Variants in GSTCD observed in about 807,000 individuals in gnomAD.
GSTCD encodes the protein glutathione S-transferase C-terminal domain-containing protein.
A neutral mutation model predicts 68.3 loss-of-function variants in GSTCD; 44 were observed. That is an observed-to-expected ratio of 0.64 (90% confidence interval 0.51 to 0.83). GSTCD has a LOEUF of 0.83. GSTCD is among the 40% of genes least tolerant of loss of function. The pLI is 0.00. For synonymous variants in GSTCD, 273 were observed against 255.2 expected (o/e 1.07, Z -0.67); for missense variants, 739 against 735.9 (o/e 1.00, Z -0.05).
intron 1 of GSTCD, among the ~76,000 whole-genome samples, chr4:105,714,658 T>C (rs1342512700): frequency 6.6e-6 from 1 of 151,636 alleles, no homozygotes; most frequent in Non-Finnish European, 1.5e-5. Flanking sequence ...TATTCTAAGA[T>C]CATTAAGTAA....
intron 5 of GSTCD, among the ~76,000 whole-genome samples, chr4:105,757,949 T>A (rs992657880): frequency 7.9e-5 from 12 of 152,198 alleles, no homozygotes; most frequent in Non-Finnish European, 1.2e-4. Context: ...ACTAGGCCTT[T>A]AGACATGTTC....
At chr4:105,785,339 C>A (rs572814375) in intron 5 of GSTCD, among the ~76,000 whole-genome samples, 7 of 152,040 alleles carry the variant, frequency 4.6e-5, no homozygotes, top group African/African-American at 1.7e-4. Flanking sequence ...TTAACCAAAT[C>A]CAGCAACAGA....
chr4:105,730,519 CTT>C (rs1245987361), intron 5 of GSTCD, among the ~76,000 whole-genome samples: 1 of 152,102 alleles, frequency 6.6e-6, no homozygotes, highest in Non-Finnish European at 1.5e-5. Context: ...TTTCATGTGT[CTT>C]TGGCTGCATA....
chr4:105,729,355 A>G, intron 4 of GSTCD, 51 bp from the exon 5 acceptor site: 2 of 1,144,678 alleles, frequency 1.7e-6, no homozygotes, highest in South Asian at 1.5e-5. Context: ...CAATAATATA[A>G]TAAGACTATA....
chr4:105,760,804 G>C (rs1440842006), intron 5 of GSTCD, among the ~76,000 whole-genome samples: 2 of 152,068 alleles, frequency 1.3e-5, no homozygotes, highest in Admixed American at 1.3e-4. Flanking sequence ...TGGTATAGTT[G>C]AGAACAGCTC....
At chr4:105,805,235 T>C (rs1275327612) in intron 5 of GSTCD, among the ~76,000 whole-genome samples, 1 of 152,118 alleles carries the variant, frequency 6.6e-6, no homozygotes, top group African/African-American at 2.4e-5. Context: ...AAAAATTACA[T>C]GAAGATTTAG....
intron 5 of GSTCD, among the ~76,000 whole-genome samples, chr4:105,766,566 A>G (rs1448116352): frequency 6.6e-6 from 1 of 151,822 alleles, no homozygotes. Flanking sequence ...TTTCTTATTT[A>G]ATTAATTCTA....
intron 11 of GSTCD, chr4:105,843,457 T>C (rs1724433796): frequency 6.6e-6 from 1 of 152,214 alleles, no homozygotes. Context: ...ATAGACTGGG[T>C]AATTCATAAT....
chr4:105,820,196 C>T (rs953397411), intron 5 of GSTCD, among the ~76,000 whole-genome samples: 2 of 151,386 alleles, frequency 1.3e-5, no homozygotes, highest in Non-Finnish European at 3.0e-5. Context: ...ACATGGCTTC[C>T]CCCTTGCTTA....
intron 9 of GSTCD, among the ~76,000 whole-genome samples, chr4:105,835,231 G>A (rs1412467769): frequency 6.6e-6 from 1 of 152,186 alleles, no homozygotes; most frequent in Non-Finnish European, 1.5e-5. Context: ...GTTTGCCTGA[G>A]TTTTGCTTGG....
chr4:105,833,684 C>CT (rs1578521857), intron 8 of GSTCD, among the ~76,000 whole-genome samples: 1 of 152,018 alleles, frequency 6.6e-6, no homozygotes, highest in African/African-American at 2.4e-5. Context: ...ACTGAGAGTC[C>CT]TATTTAGGCT....
chr4:105,793,084 G>C (rs1366887951), intron 5 of GSTCD, among the ~76,000 whole-genome samples: 1 of 151,922 alleles, frequency 6.6e-6, no homozygotes, highest in Non-Finnish European at 1.5e-5. Flanking sequence ...TCATATAAAA[G>C]TATGAGAGTA....
At chr4:105,747,135 T>G (rs2149223821) in intron 5 of GSTCD, among the ~76,000 whole-genome samples, 1 of 152,376 alleles carries the variant, frequency 6.6e-6, no homozygotes, top group South Asian at 2.1e-4. Flanking sequence ...GGCACATTAT[T>G]TATTGCTATT....
In GSTCD at chr4:105,788,322, C is replaced by A. The variant is rs577385811; in HGVS notation, c.1241-34632C>A. Among the ~76,000 whole-genome samples the A allele has an allele frequency of 1.2e-4, 16 of 137,450 alleles. No homozygotes were observed. The South Asian group carries it at 3.4e-3, about 29-fold the overall frequency. The allele number at this position is 137,450 out of a possible 152,430, so 90.2% of individuals were successfully genotyped here. A position where few individuals can be genotyped will look rare whatever the true frequency, so the allele number is the denominator to read the frequency against. On this transcript the variant is annotated intron_variant, in intron 5 of 11. Coordinates refer to ENST00000515279, the MANE Select transcript of GSTCD (RefSeq NM_001370181.1). ...AGATGATTTCTACTTGTCCATTTTA[C>A]AAATAGTTAAACCAGTTTTCCCAAA...
chr4:105,796,110 G>T (rs1159081454), intron 5 of GSTCD, among the ~76,000 whole-genome samples: 1 of 152,194 alleles, frequency 6.6e-6, no homozygotes, highest in East Asian at 1.9e-4. Context: ...AGGTTTAATG[G>T]ATTTATAGTT....
At chr4:105,738,430 A>G (rs1048790937) in intron 5 of GSTCD, among the ~76,000 whole-genome samples, 3 of 152,048 alleles carry the variant, frequency 2.0e-5, no homozygotes, top group Admixed American at 6.6e-5. Context: ...GAGGATTGTC[A>G]TTAGTATTTT....
intron 8 of GSTCD, among the ~76,000 whole-genome samples, chr4:105,832,233 A>G (rs1009660266): frequency 3.3e-5 from 5 of 152,074 alleles, no homozygotes; most frequent in Non-Finnish European, 7.3e-5. Context: ...CCTTTATTGT[A>G]TGATAAATTT....
At chr4:105,786,562 A>T (rs907633251) in intron 5 of GSTCD, among the ~76,000 whole-genome samples, 1 of 151,478 alleles carries the variant, frequency 6.6e-6, no homozygotes, top group African/African-American at 2.4e-5. Flanking sequence ...CACAATCCAC[A>T]TAATGTGAGA....
chr4:105,766,887 C>CTTTTTTTTTTTTTTTTTT lies in GSTCD; in HGVS notation c.1240+37396_1240+37413dup. On this transcript the variant is annotated intron_variant, in intron 5 of 11. Coordinates refer to ENST00000515279, the MANE Select transcript of GSTCD (RefSeq NM_001370181.1). ...CAAAAGCATGAATAGGTTTTTGACT[C>CTTTTTTTTTTTTTTTTTT]TTTTTTTTTTTTTTTTTTTTTTTTT... Among the ~76,000 whole-genome samples the CTTTTTTTTTTTTTTTTTT allele has an allele frequency of 1.5e-3, 85 of 57,122 alleles. 7 individuals carry two copies. Among genetic ancestry groups the CTTTTTTTTTTTTTTTTTT allele is most frequent in the African/African-American group, 6.5e-3 (81 of 12,430 alleles). 37.5% of individuals were successfully genotyped at this position (57,122 alleles called of 152,430 possible). A position where few individuals can be genotyped will look rare whatever the true frequency, so the allele number is the denominator to read the frequency against.
Sources: gnomAD v4.1 joint callset for allele counts (sites outside exome capture counted in the v4.1 genomes callset) on GRCh38, gnomAD v4.1.1 for gene constraint, MANE v1.5 for transcripts, NCBI Gene and HGNC (gene_info 2026-07-23, HGNC 2026-07-21) for gene names.